The following OR2C1 variants were observed in gnomAD, a reference collection of about 807,000 sequenced individuals.
OR2C1 encodes olfactory receptor 2C1.
For missense variants in OR2C1, 468 were observed against 388.3 expected (o/e 1.21, Z -1.73); for synonymous variants, 209 against 167.3 (o/e 1.25, Z -1.92).
upstream of OR2C1, among the ~76,000 whole-genome samples, chr16:3,355,319 A>G (rs1359783428): frequency 1.3e-5 from 2 of 151,692 alleles, no homozygotes; most frequent in Non-Finnish European, 2.9e-5. Flanking sequence ...TTAGCCAGGC[A>G]TGGTGGTGCA....
At chr16:3,352,795 G>A (rs2030594164), upstream of OR2C1, among the ~76,000 whole-genome samples, 1 of 147,530 alleles carries the variant, frequency 6.8e-6, no homozygotes, top group African/African-American at 2.5e-5. Flanking sequence ...AGGCTGGAGT[G>A]CAATGGCATT....
At chr16:3,350,915 C>T (rs2030562700), upstream of OR2C1, among the ~76,000 whole-genome samples, 1 of 150,392 alleles carries the variant, frequency 6.6e-6, no homozygotes, top group Non-Finnish European at 1.5e-5. Context: ...GTGGCTCATG[C>T]CTGTGAACCT....
the OR2C1 span, among the ~76,000 whole-genome samples, chr16:3,350,556 C>T: frequency 6.6e-6 from 1 of 151,284 alleles, no homozygotes; most frequent in Admixed American, 6.6e-5. Flanking sequence ...GGACTACAGG[C>T]GCCTGCCTCC....
the OR2C1 span, among the ~76,000 whole-genome samples, chr16:3,347,868 A>G: frequency 3.1e-4 from 2 of 6,492 alleles, no homozygotes; most frequent in Non-Finnish European, 7.5e-4. Context: ...ACGCGCACAC[A>G]CACACGCACA....
Position 3,356,648 on chromosome 16 carries a change from G to A in OR2C1, c.708G>A (p.Lys236=), listed in dbSNP as rs2030683394. 6.2e-7 allele frequency: 1 copy of A among 1,614,130 alleles called. No homozygotes were observed. ...TCCGCTCTGCAGAGGGGAGGCGAAA[G>A]GCGTTCAATACGTGCCTCTCCCATC... is the stretch of plus-strand genomic sequence containing the variant. ...LKIRSAEGRR[K]AFNTCLSHLL... is the part of the protein sequence containing the mutation. The change falls in exon 1 of 1, where the codon AAG becomes AAA. Residue 236 remains lysine, a synonymous_variant. Coordinates refer to ENST00000304936, the MANE Select transcript of OR2C1 (RefSeq NM_012368.3).
At chr16:3,357,763 CCT>C (rs1438317541), downstream of OR2C1, among the ~76,000 whole-genome samples, 2 of 151,454 alleles carry the variant, frequency 1.3e-5, no homozygotes, top group East Asian at 2.0e-4. Context: ...GGGTGGATCA[CCT>C]GAGGTCAGGA....
At chr16:3,323,384 C>A in the OR2C1 span, 4 of 888,802 alleles carry the variant, frequency 4.5e-6, no homozygotes, top group Admixed American at 6.8e-5. Context: ...GCAAATGACA[C>A]CAAACTTCCC....
the OR2C1 span, among the ~76,000 whole-genome samples, chr16:3,337,770 G>A: frequency 3.3e-5 from 5 of 152,066 alleles, no homozygotes; most frequent in Admixed American, 1.3e-4. Flanking sequence ...TTGTTCATTC[G>A]TGAAGGTCAG....
chr16:3,337,847 A>G, the OR2C1 span, among the ~76,000 whole-genome samples: 1 of 151,976 alleles, frequency 6.6e-6, no homozygotes. Context: ...CTAGTTATTT[A>G]TTCTGGTCTT....
chr16:3,327,175 AC>A, the OR2C1 span, among the ~76,000 whole-genome samples: 1 of 146,810 alleles, frequency 6.8e-6, no homozygotes, highest in South Asian at 2.2e-4. Flanking sequence ...AGTATAATGA[AC>A]CCCCTCAAGG....
the OR2C1 span, among the ~76,000 whole-genome samples, chr16:3,328,072 T>C: frequency 3.9e-5 from 6 of 152,368 alleles, no homozygotes; most frequent in East Asian, 9.6e-4. Context: ...ATGAGGAATT[T>C]TCTCTCCTTT....
At position 3,356,391 on chromosome 16, in the gene OR2C1, G is replaced by C. The variant is rs1461682145; in HGVS notation, c.451G>C (p.Gly151Arg). The change falls in exon 1 of 1, where the codon GGT becomes CGT. Residue 151 changes from glycine to arginine, a missense_variant. Physicochemically the swap from Gly to Arg is moderately radical, Grantham distance 125 (BLOSUM62 -2). Coordinates refer to ENST00000304936, the MANE Select transcript of OR2C1 (RefSeq NM_012368.3). ...CWLLAVIACLGGLGNSVIQST... is the reference protein window; with the variant it reads ...CWLLAVIACLRGLGNSVIQST... ...GCTGCTGGCTGTGATTGCCTGCCTG[G>C]GTGGCTTGGGCAACTCTGTGATCCA... 7 of 1,613,724 alleles carry C rather than the reference G, an allele frequency of 4.3e-6. No individual in the cohort carries two copies. In the East Asian group the frequency reaches 1.3e-4, roughly 31 times the overall value.
rs1224924003 is a variant in OR2C1 at position 3,355,991 on chromosome 16, A to G, written c.51A>G (p.Ile17Met). The G allele has an allele frequency of 6.2e-7, 1 of 1,613,966 alleles. No individual in the cohort carries two copies. Among genetic ancestry groups the G allele is most frequent in the African/African-American group, 1.3e-5 (1 of 75,002 alleles). The change falls in exon 1 of 1, where the codon ATA becomes ATG. Residue 17 changes from isoleucine to methionine, a missense_variant. By Grantham distance (10) the Ile-to-Met change is conservative. Transcript: ENST00000304936. Reference protein sequence around the residue: ...SSLQGFVLMGISDHPQLEMIF... With the variant: ...SSLQGFVLMGMSDHPQLEMIF... ...TGCAGGGCTTTGTTCTGATGGGCAT[A>G]TCAGACCATCCCCAGCTGGAGATGA... is the stretch of plus-strand genomic sequence containing the variant.
At chr16:3,354,125 A>G (rs938003747), upstream of OR2C1, among the ~76,000 whole-genome samples, 7 of 151,860 alleles carry the variant, frequency 4.6e-5, no homozygotes, top group African/African-American at 1.5e-4. Flanking sequence ...CTGGGGCTGC[A>G]GGCGCCCGCC....
chr16:3,332,514 C>T, the OR2C1 span, among the ~76,000 whole-genome samples: 2 of 151,994 alleles, frequency 1.3e-5, no homozygotes, highest in Non-Finnish European at 2.9e-5. Context: ...TATCCTCCCC[C>T]CCACTACCCT....
chr16:3,355,013 GT>G (rs543759248), upstream of OR2C1, among the ~76,000 whole-genome samples: 8 of 152,216 alleles, frequency 5.3e-5, no homozygotes, highest in East Asian at 1.5e-3. Context: ...CATAGCCATT[GT>G]TCTGAACTGA....
chr16:3,324,575 C>T, the OR2C1 span, among the ~76,000 whole-genome samples: 1 of 152,302 alleles, frequency 6.6e-6, no homozygotes, highest in Non-Finnish European at 1.5e-5. Flanking sequence ...AAATATCTAA[C>T]TAAACTGCTC....
Position 3,356,146 on chromosome 16 carries a change from T to C in OR2C1, c.206T>C (p.Leu69Ser). The C allele has an allele frequency of 1.2e-6, 2 of 1,614,212 alleles. No homozygotes were observed. The highest frequency in any genetic ancestry group is 2.2e-5 in the East Asian group (1 of 44,888). ...MYFFLSNLSS[L>S]DLAFATSSVP... ...TTCTTCCTCAGCAACCTCTCCTCCT[T>C]GGACCTTGCTTTCGCTACTAGTTCA... Residue 69 changes from leucine to serine, a missense_variant, in exon 1 of 1, where the codon TTG becomes TCG. By Grantham distance (145) the Leu-to-Ser change is moderately radical. Transcript: ENST00000304936.
the OR2C1 span, among the ~76,000 whole-genome samples, chr16:3,341,555 A>G: frequency 2.0e-5 from 3 of 152,206 alleles, no homozygotes; most frequent in Non-Finnish European, 2.9e-5. Context: ...TCAACCAGCT[A>G]TAAATTGAAG....
Sources: allele counts gnomAD v4.1 joint callset (sites outside exome capture counted in the v4.1 genomes callset), GRCh38; gene constraint gnomAD v4.1.1; transcripts MANE v1.5; gene names NCBI Gene and HGNC (gene_info 2026-07-23, HGNC 2026-07-21).